The following FRMPD4 variants were observed in gnomAD, a reference collection of about 807,000 sequenced individuals.
FRMPD4 encodes the protein FERM and PDZ domain-containing protein 4.
In FRMPD4, 22 loss-of-function variants were observed where a neutral mutation model predicts 94.1. The observed-to-expected ratio is 0.23, with a 90% CI of 0.17 to 0.33. The LOEUF is 0.33. Among genes scored for constraint, FRMPD4 ranks in the 10% least tolerant of loss-of-function variants. The pLI is 1.00. For missense variants in FRMPD4, 1,111 were observed against 1,339.9 expected, an observed-to-expected ratio of 0.83 and a Z score of 2.67; for synonymous variants, 631 against 548.6, an observed-to-expected ratio of 1.15 and a Z score of -2.10.
chrX:11,982,670 A>G (rs912629617), intron 3 of FRMPD4, among the ~76,000 whole-genome samples: 6 of 111,711 alleles, frequency 5.4e-5, no homozygotes, highest in African/African-American at 1.6e-4. Context: ...GTTAAATGAT[A>G]TCAAATCCGC....
At chrX:11,822,523 T>C (rs768769924) in exon 1 of FRMPD4, among the ~76,000 whole-genome samples, 35 of 111,900 alleles carry the variant, frequency 3.1e-4, no homozygotes, top group Non-Finnish European at 6.0e-4. Context: ...AATGGCAGTG[T>C]GCAAGATGGG....
chrX:11,847,596 G>C (rs922779652), intron 1 of FRMPD4, among the ~76,000 whole-genome samples: 1 of 107,672 alleles, frequency 9.3e-6, no homozygotes, highest in African/African-American at 3.5e-5. Flanking sequence ...TGTTTATTGC[G>C]GCAGTATTCA....
chrX:11,920,560 G>T (rs1012042461), intron 3 of FRMPD4, among the ~76,000 whole-genome samples: 2 of 112,249 alleles, frequency 1.8e-5, no homozygotes, highest in African/African-American at 6.5e-5. Flanking sequence ...CCCTTAGGAG[G>T]AACTTTTTCA....
chrX:12,015,860 A>G (rs1295579266), intron 3 of FRMPD4, among the ~76,000 whole-genome samples: 1 of 111,944 alleles, frequency 8.9e-6, no homozygotes, highest in Non-Finnish European at 1.9e-5. Flanking sequence ...ACAGCCACAC[A>G]CTATGCTGAG....
intron 2 of FRMPD4, among the ~76,000 whole-genome samples, chrX:12,539,964 C>A (rs2058387843): frequency 8.9e-6 from 1 of 111,886 alleles, no homozygotes; most frequent in Admixed American, 9.5e-5. Context: ...GATTTTCAAC[C>A]CAGAATTTCA....
Position 12,473,530 on chromosome X carries a change from A to G in FRMPD4, c.42-25150A>G, listed in dbSNP as rs1162565881. Among the ~76,000 whole-genome samples, 15 of 110,107 alleles carry G rather than the reference A, an allele frequency of 1.4e-4. No homozygotes were observed. The Admixed American group carries it at 1.4e-3, about 10-fold the overall frequency. ...AAGACACAGACTGGCAAATTGGATA[A>G]ACAGTCAAGACCCATCAGTGTGCTC... On this transcript the variant is annotated intron_variant, in intron 1 of 16. Coordinates refer to ENST00000675598, the MANE Select transcript of FRMPD4 (RefSeq NM_001368397.1).
rs746325178 is a variant in FRMPD4, at chrX:11,826,814, G to A, written c.-161+4099G>A. Among the ~76,000 whole-genome samples, 173 of 110,481 alleles carry A rather than the reference G, an allele frequency of 1.6e-3. 1 individual carries two copies. Among genetic ancestry groups the A allele is most frequent in the Non-Finnish European group, 2.3e-3 (119 of 52,888 alleles). ...TTAGATCTGTCTGTAAGGAAATAAA[G>A]AAGAGCAGTTGCTGACCTCAAAAGG... is the stretch of plus-strand genomic sequence containing the variant. On this transcript the variant is annotated intron_variant, in intron 1 of 18. Coordinates refer to the FRMPD4 transcript ENST00000640291.
chrX:11,966,373 A>G (rs1180212522), intron 3 of FRMPD4, among the ~76,000 whole-genome samples: 4 of 111,810 alleles, frequency 3.6e-5, no homozygotes, highest in African/African-American at 1.3e-4. Context: ...AGAAGATGCC[A>G]TCTTTGGAGC....
intron 1 of FRMPD4, among the ~76,000 whole-genome samples, chrX:11,845,669 A>G (rs1280522048): frequency 1.3e-4 from 14 of 110,495 alleles, no homozygotes; most frequent in African/African-American, 4.6e-4. Flanking sequence ...CACATCAAAA[A>G]GCTTATCCAC....
At chrX:12,199,303 G>A (rs943780053) in intron 1 of FRMPD4, among the ~76,000 whole-genome samples, 34 of 106,644 alleles carry the variant, frequency 3.2e-4, no homozygotes, top group African/African-American at 1.1e-3. Flanking sequence ...TTCTTTGAAT[G>A]TTTTTGATGT....
chrX:11,995,981 T>C (rs1247800493), intron 3 of FRMPD4, among the ~76,000 whole-genome samples: 1 of 112,103 alleles, frequency 8.9e-6, no homozygotes, highest in African/African-American at 3.2e-5. Flanking sequence ...AAGGCCATTT[T>C]TTTCAGAATC....
At chrX:12,565,180 A>C (rs968629805) in intron 2 of FRMPD4, among the ~76,000 whole-genome samples, 15 of 111,860 alleles carry the variant, frequency 1.3e-4, no homozygotes, top group African/African-American at 4.5e-4. Context: ...TTTGATATAA[A>C]AATTAATAAG....
intron 1 of FRMPD4, among the ~76,000 whole-genome samples, chrX:12,428,304 T>C (rs2056974379): frequency 8.9e-6 from 1 of 112,015 alleles, no homozygotes; most frequent in Non-Finnish European, 1.9e-5. Flanking sequence ...AAGAACTGTT[T>C]TGGTTTTATA....
At chrX:12,153,669 C>T (rs1257348116) in intron 1 of FRMPD4, among the ~76,000 whole-genome samples, 1 of 112,305 alleles carries the variant, frequency 8.9e-6, no homozygotes, top group Admixed American at 9.4e-5. Context: ...CATCTGAATG[C>T]AAGAACATAT....
chrX:12,526,420 C>T (rs749631568), intron 2 of FRMPD4, among the ~76,000 whole-genome samples: 1 of 112,868 alleles, frequency 8.9e-6, no homozygotes, highest in South Asian at 3.7e-4. Flanking sequence ...TTAACACATG[C>T]ATAGATTTGC....
At chrX:12,075,305 A>G (rs1280228402) in intron 3 of FRMPD4, among the ~76,000 whole-genome samples, 1 of 107,434 alleles carries the variant, frequency 9.3e-6, no homozygotes, top group Non-Finnish European at 1.9e-5. Context: ...TAACAAATGT[A>G]CCACTCTGGT....
chrX:12,083,056 G>A (rs1402200254), intron 3 of FRMPD4, among the ~76,000 whole-genome samples: 2 of 112,708 alleles, frequency 1.8e-5, no homozygotes, highest in African/African-American at 6.4e-5. Flanking sequence ...ATTTGCATAA[G>A]TACCAAGGAG....
intron 1 of FRMPD4, among the ~76,000 whole-genome samples, chrX:12,484,618 T>G (rs1602010734): frequency 8.9e-6 from 1 of 111,974 alleles, no homozygotes; most frequent in South Asian, 3.8e-4. Flanking sequence ...TTCACTGTCC[T>G]CAATATAATG....
At chrX:12,489,381 C>G (rs1282214228) in intron 1 of FRMPD4, among the ~76,000 whole-genome samples, 1 of 111,965 alleles carries the variant, frequency 8.9e-6, no homozygotes, top group East Asian at 2.8e-4. Flanking sequence ...ATAGCTAAAT[C>G]GGAAAATGTT....
Sources: allele counts gnomAD v4.1 joint callset (sites outside exome capture counted in the v4.1 genomes callset), GRCh38; gene constraint gnomAD v4.1.1; transcripts MANE v1.5; gene names NCBI Gene and HGNC (gene_info 2026-07-23, HGNC 2026-07-21).